Variants in MEF2A observed in about 807,000 individuals in gnomAD.
MEF2A encodes myocyte enhancer factor 2A.
MEF2A carries 28 observed loss-of-function variants against 55.8 expected under a neutral mutation model. That is an observed-to-expected ratio of 0.50 (90% CI 0.37 to 0.69). The LOEUF (loss-of-function observed/expected upper bound fraction) is 0.69, where lower values mean the gene tolerates loss of function less well. MEF2A is among the 30% of genes least tolerant of loss of function. MEF2A has a pLI of 0.00. For missense variants in MEF2A, 528 were observed against 626.2 expected (o/e 0.84, Z 1.67); for synonymous variants, 239 against 227.1 (o/e 1.05, Z -0.47).
At chr15:99,616,525 C>T (rs2040212565) in intron 2 of MEF2A, among the ~76,000 whole-genome samples, 1 of 152,190 alleles carries the variant, frequency 6.6e-6, no homozygotes, top group Non-Finnish European at 1.5e-5. Context: ...TAAGACTCAT[C>T]TTACCAGTAC....
chr15:99,602,222 G>A (rs1412977842), intron 2 of MEF2A, among the ~76,000 whole-genome samples: 1 of 152,134 alleles, frequency 6.6e-6, no homozygotes, highest in African/African-American at 2.4e-5. Flanking sequence ...ATCAGTGCGT[G>A]GTTTGACCTT....
intron 1 of MEF2A, among the ~76,000 whole-genome samples, chr15:99,588,450 C>T (rs1305405160): frequency 1.3e-5 from 2 of 151,858 alleles, no homozygotes; most frequent in Non-Finnish European, 2.9e-5. Context: ...TACAGGCACA[C>T]ACCACCATGC....
At chr15:99,671,487 T>C in intron 5 of MEF2A, 33 bp downstream of exon 5, 1 of 1,613,906 alleles carries the variant, frequency 6.2e-7, no homozygotes, top group African/African-American at 1.3e-5. Context: ...TACTTTTTAT[T>C]TGTTGATCCT....
chr15:99,603,927 T>TA (rs1160515207), intron 2 of MEF2A, among the ~76,000 whole-genome samples: 1 of 152,210 alleles, frequency 6.6e-6, no homozygotes, highest in Non-Finnish European at 1.5e-5. Context: ...GCTCTGTTAC[T>TA]AGGTGCATGC....
At chr15:99,653,176 G>A (rs1445410248) in intron 4 of MEF2A, among the ~76,000 whole-genome samples, 1 of 152,158 alleles carries the variant, frequency 6.6e-6, no homozygotes, top group African/African-American at 2.4e-5. Flanking sequence ...GTGTCAGCCT[G>A]TAAGGTGAGA....
intron 3 of MEF2A, among the ~76,000 whole-genome samples, chr15:99,635,349 G>A (rs982093967): frequency 1.3e-5 from 2 of 152,088 alleles, no homozygotes; most frequent in African/African-American, 2.4e-5. Context: ...GTGGTGGAGG[G>A]GTGACAGTAT....
At chr15:99,706,540 G>T in intron 9 of MEF2A, 189 bp from the exon 10 acceptor site, 1 of 597,070 alleles carries the variant, frequency 1.7e-6, no homozygotes, top group Non-Finnish European at 2.9e-6. Flanking sequence ...AAGAATTAAT[G>T]TAAAAATAGG....
intron 4 of MEF2A, among the ~76,000 whole-genome samples, chr15:99,666,145 T>C (rs1365483828): frequency 2.6e-5 from 4 of 152,176 alleles, no homozygotes; most frequent in Non-Finnish European, 5.9e-5. Flanking sequence ...CACATACGTT[T>C]ACTGCGGCAC....
chr15:99,688,219 G>A (rs1373563971), intron 7 of MEF2A, among the ~76,000 whole-genome samples: 4 of 152,184 alleles, frequency 2.6e-5, no homozygotes, highest in Non-Finnish European at 2.9e-5. Flanking sequence ...TATCTCTGCT[G>A]TTGGACTGCA....
chr15:99,601,408 G>A (rs972125062), intron 2 of MEF2A, among the ~76,000 whole-genome samples: 6 of 151,344 alleles, frequency 4.0e-5, no homozygotes, highest in Non-Finnish European at 5.9e-5. Context: ...CTGGTTAGTA[G>A]TCCCAGTGCA....
intron 8 of MEF2A, among the ~76,000 whole-genome samples, chr15:99,696,670 CTTACCT>C (rs1293815038): frequency 4.6e-5 from 7 of 151,796 alleles, no homozygotes; most frequent in Non-Finnish European, 1.0e-4. Context: ...AATCTAAGCT[CTTACCT>C]TAAGAAACTC....
chr15:99,700,961 A>T (rs1025880206), intron 8 of MEF2A, among the ~76,000 whole-genome samples: 2 of 152,226 alleles, frequency 1.3e-5, no homozygotes, highest in African/African-American at 4.8e-5. Context: ...ACTAATTAAT[A>T]AATGTAGAAA....
chr15:99,674,643 T>A, intron 6 of MEF2A, 31 bp downstream of exon 6: 2 of 1,554,062 alleles, frequency 1.3e-6, no homozygotes, highest in Non-Finnish European at 1.8e-6. Context: ...TGCTGGTTCT[T>A]TAATAAAGAG....
chr15:99,669,210 T>C (rs779578282), intron 4 of MEF2A, among the ~76,000 whole-genome samples: 3 of 152,260 alleles, frequency 2.0e-5, no homozygotes, highest in Non-Finnish European at 4.4e-5. Flanking sequence ...CATTACAGCT[T>C]ACTAAGAAGA....
At chr15:99,576,507 G>T (rs1237407108) in intron 1 of MEF2A, among the ~76,000 whole-genome samples, 1 of 151,978 alleles carries the variant, frequency 6.6e-6, no homozygotes, top group Admixed American at 6.5e-5. Context: ...ACTTTCATAT[G>T]ATAATGAACT....
At chr15:99,662,949 C>T (rs1415195036) in intron 4 of MEF2A, among the ~76,000 whole-genome samples, 1 of 152,176 alleles carries the variant, frequency 6.6e-6, no homozygotes, top group Non-Finnish European at 1.5e-5. Context: ...AATCAGTTAA[C>T]TCCTCATGCA....
chr15:99,608,293 A>G (rs1028188402), intron 2 of MEF2A, among the ~76,000 whole-genome samples: 3 of 152,214 alleles, frequency 2.0e-5, no homozygotes, highest in African/African-American at 7.2e-5. Context: ...TACTTGCACT[A>G]TATTTGCTAT....
At chr15:99,584,681 G>A (rs765830497) in intron 1 of MEF2A, among the ~76,000 whole-genome samples, 1 of 152,160 alleles carries the variant, frequency 6.6e-6, no homozygotes, top group African/African-American at 2.4e-5. Context: ...TGAGCCATAG[G>A]GGGCTGGGGT....
At chr15:99,667,850 C>T (rs2050098994) in intron 4 of MEF2A, among the ~76,000 whole-genome samples, 1 of 152,174 alleles carries the variant, frequency 6.6e-6, no homozygotes, top group African/African-American at 2.4e-5. Context: ...AACCAAGGTA[C>T]AAACCCCCTA....
Sources: allele counts gnomAD v4.1 joint callset (sites outside exome capture counted in the v4.1 genomes callset), GRCh38; gene constraint gnomAD v4.1.1; transcripts MANE v1.5; gene names NCBI Gene and HGNC (gene_info 2026-07-23, HGNC 2026-07-21).